Variants in KAT6A observed in about 807,000 individuals in gnomAD.
KAT6A encodes lysine acetyltransferase 6A, also known as histone acetyltransferase KAT6A.
Under a neutral mutation model 198.4 loss-of-function variants are expected in KAT6A, and 9 were observed. That is an observed-to-expected ratio of 0.05 (90% CI 0.03 to 0.08). The LOEUF (loss-of-function observed/expected upper bound fraction) is 0.08. KAT6A is among the 10% of genes least tolerant of loss of function. The pLI is 1.00. For synonymous variants in KAT6A, 890 were observed against 883.0 expected (o/e 1.01, Z -0.14); for missense variants, 2,077 against 2,509.9 (o/e 0.83, Z 3.69).
At chr8:42,039,158 T>C (rs1827516684) in intron 2 of KAT6A, among the ~76,000 whole-genome samples, 1 of 152,094 alleles carries the variant, frequency 6.6e-6, no homozygotes, top group African/African-American at 2.4e-5. Context: ...AGCAGAAGGG[T>C]GAAGTTACTC....
chr8:41,977,962 T>G (rs1414998591), intron 6 of KAT6A, among the ~76,000 whole-genome samples: 1 of 151,960 alleles, frequency 6.6e-6, no homozygotes, highest in East Asian at 1.9e-4. Context: ...TAAAGGGAGG[T>G]TGACAAGCCT....
At chr8:41,978,563 T>G in intron 6 of KAT6A, 79 bp downstream of exon 6, 1 of 1,444,948 alleles carries the variant, frequency 6.9e-7, no homozygotes, top group Non-Finnish European at 9.4e-7. Flanking sequence ...ATTTTTTTCA[T>G]AGAGAAAACA....
chr8:42,040,110 T>A (rs1391850563), intron 2 of KAT6A, among the ~76,000 whole-genome samples: 1 of 151,916 alleles, frequency 6.6e-6, no homozygotes, highest in African/African-American at 2.4e-5. Flanking sequence ...CCTATAAAAT[T>A]TAATCATATA....
chr8:42,013,076 T>G (rs1826096284), intron 2 of KAT6A, among the ~76,000 whole-genome samples: 1 of 152,050 alleles, frequency 6.6e-6, no homozygotes, highest in Non-Finnish European at 1.5e-5. Flanking sequence ...TCAAGTTTTT[T>G]TTTTTTTTTA....
In KAT6A at chr8:42,044,342, A is replaced by AC. The variant is rs534270793; in HGVS notation, c.600+4035dup. 9.0e-3 allele frequency among the ~76,000 whole-genome samples: 1,350 copies of AC among 149,700 alleles called. 10 individuals carry two copies. Among genetic ancestry groups the AC allele is most frequent in the South Asian group, 0.035 (164 of 4,714 alleles). On this transcript the variant is annotated intron_variant, in intron 2 of 16. Coordinates refer to ENST00000265713, the MANE Select transcript of KAT6A (RefSeq NM_006766.5). Reference sequence around the variant, plus strand: ...CTGAACTCCTGACCTCAGGTGATCCACCCCCCCCTCGGCATCCCAAAGTGC... The same window carrying AC: ...CTGAACTCCTGACCTCAGGTGATCCACCCCCCCCCTCGGCATCCCAAAGTGC...
Position 41,971,227 on chromosome 8 carries a change from A to T in KAT6A, c.1482+3477T>A, listed in dbSNP as rs145332537. Among the ~76,000 whole-genome samples the T allele has an allele frequency of 4.6e-4, 24 of 52,214 alleles. No individual in the cohort carries two copies. The East Asian group carries it at 7.4e-3, about 16-fold the overall frequency. The allele number at this position is 52,214 out of a possible 152,430, so 34.3% of individuals were successfully genotyped here. A position where few individuals can be genotyped will look rare whatever the true frequency, so the allele number is the denominator to read the frequency against. On this transcript the variant is annotated intron_variant, in intron 8 of 16. Coordinates refer to ENST00000265713, the MANE Select transcript of KAT6A (RefSeq NM_006766.5). ...TACCCTAAAACTTAAGGTATAATTT[A>T]AAAAAAAAAAAAAAAAGAAAGGCCT... is the stretch of plus-strand genomic sequence containing the variant.
At chr8:41,966,020 T>C (rs1871991) in intron 8 of KAT6A, among the ~76,000 whole-genome samples, 85,902 of 152,046 alleles carry the variant, frequency 0.56, 24,712 homozygotes, top group African/African-American at 0.66. Flanking sequence ...GCCTGGGAAC[T>C]AGAAAAGGCT....
rs1824096489 is a variant in KAT6A at position 41,977,159 on chromosome 8, C to A, written c.1212G>T (p.Lys404Asn). Reference protein sequence around the residue: ...RDSNVSLKFNKKTKGLIDGLT... With the variant: ...RDSNVSLKFNNKTKGLIDGLT... ...GGCCATCAATGAGCCCTTTGGTTTT[C>A]TTGTTGAACTTCAAGGAGACATTGC... is the stretch of plus-strand genomic sequence containing the variant. The change falls in exon 7 of 17, where the codon AAG becomes AAT. Residue 404 changes from lysine to asparagine, a missense_variant. Lys to Asn is a moderately conservative substitution (Grantham distance 94). This residue lies in a region of KAT6A where 206 missense variants were observed against 214.9 expected (regional missense o/e 0.96). Coordinates refer to ENST00000265713, the MANE Select transcript of KAT6A (RefSeq NM_006766.5). 1 of 1,614,010 alleles carries A rather than the reference C, an allele frequency of 6.2e-7. No individual in the cohort carries two copies. The highest frequency in any genetic ancestry group is 1.3e-5 in the African/African-American group (1 of 74,892).
intron 11 of KAT6A, among the ~76,000 whole-genome samples, chr8:41,946,914 T>C (rs888959962): frequency 6.6e-6 from 1 of 151,978 alleles, no homozygotes; most frequent in African/African-American, 2.4e-5. Flanking sequence ...AACAAAACAA[T>C]GCCATCCAAC....
chr8:41,954,118 G>C (rs1426931984), intron 9 of KAT6A, among the ~76,000 whole-genome samples: 1 of 152,060 alleles, frequency 6.6e-6, no homozygotes. Flanking sequence ...GTTTTTGTTA[G>C]CTGTCACTTT....
chr8:41,968,901 A>G (rs2150880807), intron 8 of KAT6A, among the ~76,000 whole-genome samples: 1 of 152,352 alleles, frequency 6.6e-6, no homozygotes, highest in South Asian at 2.1e-4. Context: ...TACTGCCTGC[A>G]ATAATTTTTT....
Position 41,942,199 on chromosome 8 carries a change from A to G in KAT6A, c.2436+594T>C, listed in dbSNP as rs568997756. On this transcript the variant is annotated intron_variant, in intron 14 of 16. Transcript: ENST00000265713. ...GTTCACCAGCAACCCTTTAACGGCT[A>G]AAGAGATCTGTGTGTCCACAGGATG... 51 of 213,724 alleles carry G rather than the reference A, an allele frequency of 2.4e-4. No homozygotes were observed. In the South Asian group the frequency reaches 8.8e-3, roughly 37 times the overall value. 13.2% of individuals were successfully genotyped at this position (213,724 alleles called of 1,614,324 possible).
At chr8:41,945,023 T>G (rs560599725) in intron 12 of KAT6A, among the ~76,000 whole-genome samples, 2 of 152,324 alleles carry the variant, frequency 1.3e-5, no homozygotes, top group African/African-American at 4.8e-5. Flanking sequence ...CTGCATATAT[T>G]CATCTAAATA....
chr8:41,977,351 G>A (rs777156588), intron 6 of KAT6A, 24 bp from the exon 7 acceptor site: 13 of 1,559,336 alleles, frequency 8.3e-6, no homozygotes, highest in Non-Finnish European at 1.1e-5. Context: ...CAGGGGAAAG[G>A]GTAAGTATTA....
At chr8:41,984,330 G>A (rs753900911) in intron 3 of KAT6A, among the ~76,000 whole-genome samples, 11 of 152,120 alleles carry the variant, frequency 7.2e-5, no homozygotes, top group African/African-American at 1.9e-4. Context: ...GACACTCATC[G>A]GGGGAGGCCA....
In KAT6A at chr8:41,933,135, AGGGGGT is replaced by A; in HGVS notation, c.5079_5084del (p.Pro1695_Pro1696del). The A allele has an allele frequency of 5.3e-6, 1 of 188,462 alleles. No homozygotes were observed. Among genetic ancestry groups the A allele is most frequent in the Non-Finnish European group, 9.1e-6 (1 of 110,166 alleles). The allele number at this position is 188,462 out of a possible 1,614,324, so 11.7% of individuals were successfully genotyped here. On this transcript the variant is annotated inframe_deletion, in exon 17 of 17. Transcript: ENST00000265713. This position sits in a 1 kb window ranked among gnomAD's most constrained non-coding sequence, Gnocchi z 6.2. ...GTGACAGCGGGGGCTGCTGCTGGGG[AGGGGGT>A]GGGGGTGGAGGCTGCTGGGGCTGAG...
chr8:42,004,568 T>C (rs1825646813), intron 2 of KAT6A, among the ~76,000 whole-genome samples: 1 of 152,166 alleles, frequency 6.6e-6, no homozygotes, highest in Non-Finnish European at 1.5e-5. Flanking sequence ...TTTAATTCAA[T>C]AGACTAGTAA....
Position 42,048,789 on chromosome 8 carries a change from G to C in KAT6A, c.189C>G (p.Val63=). The C allele has an allele frequency of 6.2e-7, 1 of 1,614,098 alleles. No homozygotes were observed. Among genetic ancestry groups the C allele is most frequent in the Non-Finnish European group, 8.5e-7 (1 of 1,179,994 alleles). The change falls in exon 2 of 17, where the codon GTC becomes GTG. Residue 63 remains valine, a synonymous_variant. Coordinates refer to ENST00000265713, the MANE Select transcript of KAT6A (RefSeq NM_006766.5). The stretch of plus-strand genomic sequence containing the variant: ...TATAGGAATTGAGTCCTTTATTTGA[G>C]ACTTTTAAAATTGTTCCATCTTTAA... ...LSVKDGTILK[V]SNKGLNSYKD... is the part of the protein sequence containing the mutation.
At chr8:41,993,897 C>T (rs1202501878) in intron 2 of KAT6A, among the ~76,000 whole-genome samples, 1 of 152,096 alleles carries the variant, frequency 6.6e-6, no homozygotes, top group Non-Finnish European at 1.5e-5. Flanking sequence ...TGAGGTAGGG[C>T]TAAAACTATA....
Sources: gnomAD v4.1 joint callset for allele counts (sites outside exome capture counted in the v4.1 genomes callset) on GRCh38, gnomAD v4.1.1 for gene constraint, gnomAD v4.1.1 regional missense constraint, Gnocchi (gnomAD v3.1) non-coding constraint, MANE v1.5 for transcripts, NCBI Gene and HGNC (gene_info 2026-07-23, HGNC 2026-07-21) for gene names.